Variants in NRXN3 observed in about 807,000 individuals in gnomAD.
NRXN3 encodes the protein neurexin III.
A neutral mutation model predicts 137.6 loss-of-function variants in NRXN3; 32 were observed. The ratio of observed to expected loss-of-function variants is 0.23; its 90% confidence interval spans 0.18 to 0.31. NRXN3 has a LOEUF of 0.31. Among genes scored for constraint, NRXN3 ranks in the 10% least tolerant of loss-of-function variants. The pLI, the probability that NRXN3 is intolerant of heterozygous loss-of-function variation, is 1.00. For synonymous variants in NRXN3, 798 were observed against 784.5 expected (o/e 1.02, Z -0.29); for missense variants, 1,574 against 2,062.5 (o/e 0.76, Z 4.59).
At chr14:78,583,500 A>G (rs1312415123) in intron 4 of NRXN3, among the ~76,000 whole-genome samples, 1 of 152,144 alleles carries the variant, frequency 6.6e-6, no homozygotes, top group East Asian at 1.9e-4. Context: ...AACTTATTAA[A>G]TGTACTAATA....
intron 6 of NRXN3, among the ~76,000 whole-genome samples, chr14:78,707,562 T>C (rs1283711645): frequency 2.0e-5 from 3 of 152,182 alleles, no homozygotes; most frequent in Non-Finnish European, 4.4e-5. Context: ...TCATAACAGA[T>C]TTTTTTCCCA....
intron 12 of NRXN3, 136 bp from the exon 13 acceptor site, chr14:78,967,072 C>A: frequency 1.4e-6 from 1 of 696,698 alleles, no homozygotes; most frequent in Non-Finnish European, 2.4e-6. Flanking sequence ...AACCTCATAT[C>A]AAGATTTAAA....
intron 8 of NRXN3, among the ~76,000 whole-genome samples, chr14:78,732,865 A>G (rs1009617307): frequency 1.3e-5 from 2 of 152,204 alleles, no homozygotes; most frequent in African/African-American, 4.8e-5. Context: ...TAAGGTTCTC[A>G]GACACTTGGA....
chr14:79,831,867 C>T (rs1308185558), intron 20 of NRXN3, among the ~76,000 whole-genome samples: 2 of 152,058 alleles, frequency 1.3e-5, no homozygotes, highest in East Asian at 1.9e-4. Context: ...TACTTTGCTC[C>T]GAGTTTTTCA....
chr14:79,056,905 T>A (rs1244944712), intron 15 of NRXN3, among the ~76,000 whole-genome samples: 1 of 152,214 alleles, frequency 6.6e-6, no homozygotes, highest in African/African-American at 2.4e-5. Flanking sequence ...ATCTCCACAG[T>A]TTCTAAATAA....
chr14:79,361,953 G>A (rs547498193), intron 15 of NRXN3, among the ~76,000 whole-genome samples: 2 of 150,850 alleles, frequency 1.3e-5, no homozygotes, highest in Non-Finnish European at 2.9e-5. Flanking sequence ...TAAGACTCTC[G>A]AGGCCAGCAG....
At chr14:78,182,116 C>T (rs576743908) in intron 1 of NRXN3, among the ~76,000 whole-genome samples, 27 of 134,848 alleles carry the variant, frequency 2.0e-4, no homozygotes, top group African/African-American at 7.7e-4. Context: ...ATGATGGGGC[C>T]GGGGGGGACA....
At chr14:78,735,744 A>G (rs1248907202) in intron 8 of NRXN3, among the ~76,000 whole-genome samples, 1 of 152,156 alleles carries the variant, frequency 6.6e-6, no homozygotes, top group Admixed American at 6.5e-5. Flanking sequence ...GGTTTGTTTT[A>G]GGGGTTTCAA....
intron 4 of NRXN3, among the ~76,000 whole-genome samples, chr14:78,423,394 G>C (rs1039799174): frequency 3.3e-5 from 5 of 152,124 alleles, no homozygotes; most frequent in Admixed American, 3.3e-4. Context: ...ATCAGCCCAT[G>C]CTCACAGCCT....
intron 15 of NRXN3, among the ~76,000 whole-genome samples, chr14:79,136,249 T>C (rs955598336): frequency 2.0e-5 from 3 of 152,198 alleles, no homozygotes; most frequent in African/African-American, 7.2e-5. Flanking sequence ...CTAGACACAT[T>C]CGTTCATGTT....
chr14:78,785,437 T>C (rs1448239101), intron 8 of NRXN3, among the ~76,000 whole-genome samples: 1 of 152,216 alleles, frequency 6.6e-6, no homozygotes, highest in Non-Finnish European at 1.5e-5. Flanking sequence ...GCAATATTTC[T>C]CAGGCTGGTG....
At chr14:79,269,138 C>T (rs1373990858) in intron 15 of NRXN3, among the ~76,000 whole-genome samples, 2 of 152,146 alleles carry the variant, frequency 1.3e-5, no homozygotes, top group African/African-American at 4.8e-5. Context: ...CAAGCTCCGC[C>T]TCCCGGGTTC....
At chr14:79,645,747 T>G (rs1329999163) in intron 16 of NRXN3, among the ~76,000 whole-genome samples, 6 of 134,610 alleles carry the variant, frequency 4.5e-5, no homozygotes, top group African/African-American at 1.5e-4. Context: ...GGAGGGAAGG[T>G]TCAGAAAGTT....
chr14:78,744,226 C>A (rs1344670910), intron 8 of NRXN3, among the ~76,000 whole-genome samples: 2 of 152,162 alleles, frequency 1.3e-5, no homozygotes, highest in African/African-American at 2.4e-5. Context: ...ACTGCAGCCT[C>A]CGCCTCCCGG....
chr14:79,533,793 A>G (rs2097189366), intron 16 of NRXN3, among the ~76,000 whole-genome samples: 1 of 152,204 alleles, frequency 6.6e-6, no homozygotes, highest in Admixed American at 6.5e-5. Flanking sequence ...ATGAATAGTA[A>G]GGACTGCACA....
intron 16 of NRXN3, among the ~76,000 whole-genome samples, chr14:79,589,765 A>G (rs1246217604): frequency 1.3e-5 from 2 of 152,096 alleles, no homozygotes; most frequent in Non-Finnish European, 2.9e-5. Flanking sequence ...AGGGTTAACA[A>G]CTCATTAAAC....
intron 15 of NRXN3, among the ~76,000 whole-genome samples, chr14:79,227,540 T>G (rs966264615): frequency 6.6e-6 from 1 of 152,162 alleles, no homozygotes; most frequent in African/African-American, 2.4e-5. Context: ...CGGTTAAATA[T>G]GTTATTTCTG....
chr14:79,037,595 A>G (rs1459777035), intron 15 of NRXN3, among the ~76,000 whole-genome samples: 1 of 152,174 alleles, frequency 6.6e-6, no homozygotes, highest in Admixed American at 6.6e-5. Flanking sequence ...CTTAGAGAAT[A>G]GAGTGTCCTG....
chr14:79,068,579 T>A (rs1180432052), intron 15 of NRXN3, among the ~76,000 whole-genome samples: 2 of 152,234 alleles, frequency 1.3e-5, no homozygotes, highest in Middle Eastern at 6.8e-3. Flanking sequence ...ATTTAAAGTC[T>A]CCACTTGTCA....
Sources: allele counts gnomAD v4.1 joint callset (sites outside exome capture counted in the v4.1 genomes callset), GRCh38; gene constraint gnomAD v4.1.1; transcripts MANE v1.5; gene names NCBI Gene and HGNC (gene_info 2026-07-23, HGNC 2026-07-21).